The following MYO5C variants were observed in gnomAD, a reference collection of about 807,000 sequenced individuals.
The protein encoded by MYO5C is myosin VC.
In MYO5C, 194 loss-of-function variants were observed where a neutral mutation model predicts 235.7. That is an observed-to-expected ratio of 0.82 (90% CI 0.73 to 0.93). The LOEUF is 0.93. MYO5C is among the 40% of genes least tolerant of loss of function. The probability of loss-of-function intolerance (pLI) is 0.00; values close to 1 mark genes in which losing one functional copy is unlikely to be tolerated. For missense variants in MYO5C, 2,038 were observed against 2,127.2 expected, an observed-to-expected ratio of 0.96 and a Z score of 0.82; for synonymous variants, 707 against 754.8, an observed-to-expected ratio of 0.94 and a Z score of 1.04.
intron 35 of MYO5C, among the ~76,000 whole-genome samples, chr15:52,209,967 A>ATTT (rs2035409508): frequency 6.6e-6 from 1 of 151,942 alleles, no homozygotes; most frequent in South Asian, 2.1e-4. Context: ...TTAATTAATT[A>ATTT]ATTTATTTAT....
At position 52,219,754 on chromosome 15, in the gene MYO5C, C is replaced by T. The variant is rs948581874; in HGVS notation, c.3785+5G>A. ...AACTTGAGGTACACACATATTTACA[C>T]TTACTTTCTTTGTGTTCCTTCCTCC... On this transcript the variant is annotated splice_donor_5th_base_variant and intron_variant, in intron 31 of 40. Coordinates refer to ENST00000261839, the MANE Select transcript of MYO5C (RefSeq NM_018728.4). 1.2e-6 allele frequency: 2 copies of T among 1,606,666 alleles called. No individual in the cohort carries two copies. Among genetic ancestry groups the T allele is most frequent in the Admixed American group, 1.7e-5 (1 of 59,876 alleles).
At position 52,269,878 on chromosome 15, in the gene MYO5C, G is replaced by A. The variant is rs1230545629; in HGVS notation, c.833-18C>T. The A allele has an allele frequency of 1.3e-6, 2 of 1,538,564 alleles. No individual in the cohort carries two copies. The highest frequency in any genetic ancestry group is 2.2e-5 in the South Asian group (2 of 89,488). ...GGCACTCCCTGAAATCAAAAAGTAA[G>A]ATTTGTTATGTCTGTAACACAGAAA... is the stretch of plus-strand genomic sequence containing the variant. On this transcript the variant is annotated intron_variant, in intron 7 of 40. Coordinates refer to ENST00000261839, the MANE Select transcript of MYO5C (RefSeq NM_018728.4).
rs201521927 is a variant in MYO5C, at chr15:52,283,679, A to AT, written c.28-788dup. On this transcript the variant is annotated intron_variant, in intron 1 of 40. Coordinates refer to ENST00000261839, the MANE Select transcript of MYO5C (RefSeq NM_018728.4). ...GAGGGTAAGGCGCTGACCCAATAGG[A>AT]TTTTTTTTTTTTTGAGATGGATTTT... is the stretch of plus-strand genomic sequence containing the variant. Among the ~76,000 whole-genome samples, 673 of 146,016 alleles carry AT rather than the reference A, an allele frequency of 4.6e-3. 22 individuals carry two copies. Among genetic ancestry groups the AT allele is most frequent in the East Asian group, 0.044 (221 of 5,034 alleles).
At chr15:52,229,941 A>T (rs1159090900) in intron 24 of MYO5C, among the ~76,000 whole-genome samples, 1 of 152,178 alleles carries the variant, frequency 6.6e-6, no homozygotes, top group Non-Finnish European at 1.5e-5. Context: ...GGTTCCATGC[A>T]GTCCCCTGGA....
intron 38 of MYO5C, among the ~76,000 whole-genome samples, chr15:52,201,473 G>GA (rs1167896430): frequency 2.0e-5 from 3 of 152,124 alleles, no homozygotes; most frequent in Non-Finnish European, 4.4e-5. Flanking sequence ...ATTTTCAACT[G>GA]AAAGAAAACT....
intron 8 of MYO5C, among the ~76,000 whole-genome samples, chr15:52,268,500 T>A (rs61591742): frequency 0.033 from 5,047 of 151,718 alleles, 170 homozygotes; most frequent in South Asian, 0.15. Flanking sequence ...GAGGCAGAGG[T>A]TGCGCCACTG....
At chr15:52,263,973 C>T (rs1184091654) in intron 9 of MYO5C, among the ~76,000 whole-genome samples, 1 of 152,174 alleles carries the variant, frequency 6.6e-6, no homozygotes, top group Non-Finnish European at 1.5e-5. Flanking sequence ...AAGAAAAGCA[C>T]ACAGGAGATC....
Position 52,292,556 on chromosome 15 carries a change from T to C in MYO5C, c.27+3054A>G, listed in dbSNP as rs143183056. On this transcript the variant is annotated intron_variant, in intron 1 of 40. Transcript: ENST00000261839. ...AACTCTGAGGATGGCATCTAGCACA[T>C]AGAGATAAAAATAACATCATCCATA... Among the ~76,000 whole-genome samples the C allele has an allele frequency of 1.8e-3, 272 of 152,346 alleles. 1 individual carries two copies. The highest frequency in any genetic ancestry group is 2.6e-3 in the Non-Finnish European group (175 of 68,026).
chr15:52,225,479 A>C lies in MYO5C; in HGVS notation c.3261T>G (p.Asp1087Glu), dbSNP rs1226637572. ...EIELLQAQKI[D>E]VEKHVQSQKR... ...TTTGTGACTGCACATGTTTCTCCACATCTATCTTCTGTGCCTGAAGTAGTT... is the reference window on the plus strand; with the variant it reads ...TTTGTGACTGCACATGTTTCTCCACCTCTATCTTCTGTGCCTGAAGTAGTT... Residue 1087 changes from aspartate (D) to glutamate (E), a missense_variant, in exon 26 of 41, where the codon GAT becomes GAG. Transcript: ENST00000261839. The C allele has an allele frequency of 6.2e-7, 1 of 1,613,826 alleles. No individual in the cohort carries two copies. The highest frequency in any genetic ancestry group is 1.1e-5 in the South Asian group (1 of 91,082).
At chr15:52,217,562 C>T (rs1247456782) in intron 32 of MYO5C, among the ~76,000 whole-genome samples, 1 of 152,158 alleles carries the variant, frequency 6.6e-6, no homozygotes, top group East Asian at 1.9e-4. Flanking sequence ...TGTTGTAACA[C>T]GAGGATTCCA....
chr15:52,232,632 G>T lies in MYO5C; in HGVS notation c.3016C>A (p.Arg1006=), dbSNP rs763437157. The T allele has an allele frequency of 1.2e-6, 2 of 1,613,306 alleles. No individual in the cohort carries two copies. The highest frequency in any genetic ancestry group is 3.3e-5 in the Admixed American group (2 of 59,906). Reference sequence around the variant, plus strand: ...AACTAGATTCCATACATTCTTTGCCGTTCTTCCTTTTGTACATCATCAAAG... The same window carrying T: ...AACTAGATTCCATACATTCTTTGCCTTTCTTCCTTTTGTACATCATCAAAG... ...QLFDDVQKEE[R]QRMLLEKSFE... is the part of the protein sequence containing the mutation. The change falls in exon 24 of 41, where the codon CGG becomes AGG. Residue 1006 remains arginine, a synonymous_variant. Coordinates refer to ENST00000261839, the MANE Select transcript of MYO5C (RefSeq NM_018728.4).
chr15:52,235,805 T>A, intron 22 of MYO5C, 42 bp from the exon 23 acceptor site: 1 of 1,342,724 alleles, frequency 7.4e-7, no homozygotes, highest in Non-Finnish European at 1.1e-6. Flanking sequence ...TTTGAAAACC[T>A]CACTTCAAGT....
intron 21 of MYO5C, among the ~76,000 whole-genome samples, chr15:52,238,346 G>C (rs76788496): frequency 1.3e-5 from 2 of 152,206 alleles, no homozygotes; most frequent in African/African-American, 4.8e-5. Context: ...GCTCCTGGCC[G>C]GCTGCGGCTA....
At chr15:52,253,218 C>T in intron 12 of MYO5C, 99 bp downstream of exon 12, 2 of 1,176,076 alleles carry the variant, frequency 1.7e-6, no homozygotes, top group East Asian at 2.3e-5. Context: ...ACTGGATAAA[C>T]ATCAGGACTT....
At position 52,244,414 on chromosome 15, in the gene MYO5C, G is replaced by A. The variant is rs754956315; in HGVS notation, c.2332C>T (p.Arg778Ter). The change falls in exon 19 of 41, where the codon CGA (arginine) becomes TGA (stop). Residue 778 changes from arginine to a stop codon, truncating the protein, a stop_gained. Coordinates refer to ENST00000261839, the MANE Select transcript of MYO5C (RefSeq NM_018728.4). LOFTEE classifies it high-confidence loss of function. Reference protein sequence around the residue: ...RGWLQRKKFLRERRAALIIQQ... With the variant: ...RGWLQRKKFL The stretch of plus-strand genomic sequence containing the variant: ...ATTATCAGGGCGGCTCGTCTCTCTC[G>A]GAGGAATTTTTTCCTCTGGAGCCAG... 8.7e-6 allele frequency: 14 copies of A among 1,613,918 alleles called. No individual in the cohort carries two copies. The highest frequency in any genetic ancestry group is 5.3e-5 in the African/African-American group (4 of 74,876).
intron 1 of MYO5C, among the ~76,000 whole-genome samples, chr15:52,286,845 C>T (rs1336166307): frequency 2.6e-5 from 4 of 151,424 alleles, no homozygotes; most frequent in Non-Finnish European, 4.4e-5. Flanking sequence ...CCAGAGACCT[C>T]TGTTCACTTG....
At chr15:52,215,025 G>GT (rs1265163644) in intron 32 of MYO5C, among the ~76,000 whole-genome samples, 3 of 152,058 alleles carry the variant, frequency 2.0e-5, no homozygotes, top group African/African-American at 2.4e-5. Context: ...CATAGAATAG[G>GT]TTTTTTGTGT....
intron 38 of MYO5C, among the ~76,000 whole-genome samples, chr15:52,201,570 T>G (rs1026374360): frequency 6.6e-6 from 1 of 152,108 alleles, no homozygotes; most frequent in Non-Finnish European, 1.5e-5. Flanking sequence ...AAATGAGACT[T>G]GGAAAAAAAT....
chr15:52,264,836 G>T (rs992992087), intron 8 of MYO5C, among the ~76,000 whole-genome samples: 1 of 152,186 alleles, frequency 6.6e-6, no homozygotes, highest in Non-Finnish European at 1.5e-5. Context: ...AGCGGAGAAG[G>T]TTCCGAGTGC....
Sources: gnomAD v4.1 joint callset for allele counts (sites outside exome capture counted in the v4.1 genomes callset) on GRCh38, gnomAD v4.1.1 for gene constraint, MANE v1.5 for transcripts, NCBI Gene and HGNC (gene_info 2026-07-23, HGNC 2026-07-21) for gene names.